The following CIT variants were observed in gnomAD, a reference collection of about 807,000 sequenced individuals.
The protein encoded by CIT is citron Rho-interacting kinase.
A neutral mutation model predicts 272.7 loss-of-function variants in CIT; 79 were observed. The observed-to-expected ratio is 0.29, with a 90% CI of 0.24 to 0.35. CIT has a LOEUF of 0.35. CIT is among the 10% of genes least tolerant of loss of function. CIT has a pLI of 1.00. For synonymous variants in CIT, 948 were observed against 995.6 expected (o/e 0.95, Z 0.90); for missense variants, 1,909 against 2,618.3 (o/e 0.73, Z 5.91).
At chr12:119,781,720 C>G (rs984524983) in intron 13 of CIT, among the ~76,000 whole-genome samples, 1 of 152,044 alleles carries the variant, frequency 6.6e-6, no homozygotes, top group Non-Finnish European at 1.5e-5. Flanking sequence ...TCTGAAAACA[C>G]AGGGGACAGC....
In CIT at chr12:119,698,077, C is replaced by T. The variant is rs115111326; in HGVS notation, c.5624-23G>A. 6.1e-4 allele frequency: 974 copies of T among 1,602,238 alleles called. 6 individuals carry two copies. In the African/African-American group the frequency reaches 0.011, roughly 19 times the overall value. ...AGGCTGTGTGATCACCATGCAGGCACAGTGTGGGCCAAAGAATGGTGAAAA... is the reference window on the plus strand; with the variant it reads ...AGGCTGTGTGATCACCATGCAGGCATAGTGTGGGCCAAAGAATGGTGAAAA... On this transcript the variant is annotated intron_variant, in intron 44 of 47. Transcript: ENST00000392521.
chr12:119,786,337 C>T (rs534999411), intron 10 of CIT, among the ~76,000 whole-genome samples: 3 of 152,158 alleles, frequency 2.0e-5, no homozygotes, highest in Admixed American at 2.0e-4. Context: ...GCTCCCCCCA[C>T]AGAAAGGGCA....
At chr12:119,802,281 G>GT (rs1221247781) in intron 10 of CIT, among the ~76,000 whole-genome samples, 2 of 152,110 alleles carry the variant, frequency 1.3e-5, no homozygotes, top group East Asian at 3.9e-4. Flanking sequence ...TCACTCCTCT[G>GT]AAAACAGAAT....
intron 9 of CIT, among the ~76,000 whole-genome samples, chr12:119,815,099 AC>A (rs2137980247): frequency 1.3e-5 from 1 of 75,432 alleles, no homozygotes; most frequent in Non-Finnish European, 2.4e-5. Context: ...ACACACACAC[AC>A]ACACAACACA....
At chr12:119,755,168 A>G (rs915644420) in intron 22 of CIT, among the ~76,000 whole-genome samples, 1 of 152,180 alleles carries the variant, frequency 6.6e-6, no homozygotes, top group African/African-American at 2.4e-5. Context: ...TCCTGACCTA[A>G]GAAATAATAA....
intron 28 of CIT, among the ~76,000 whole-genome samples, chr12:119,726,275 G>A (rs1958097938): frequency 6.6e-6 from 1 of 151,628 alleles, no homozygotes; most frequent in Non-Finnish European, 1.5e-5. Flanking sequence ...CTACAGTGCA[G>A]TGGTACCATC....
Position 119,875,636 on chromosome 12 carries a change from C to T in CIT, c.96+437G>A, listed in dbSNP as rs2138442744. The stretch of plus-strand genomic sequence containing the variant: ...GCACAGGCCTAGAGTCGACAGAAGA[C>T]CTTGTTTCAAACAAAACAAAACAGA... On this transcript the variant is annotated intron_variant, in intron 2 of 47. Transcript: ENST00000392521. Among the ~76,000 whole-genome samples, 3 of 152,244 alleles carry T rather than the reference C, an allele frequency of 2.0e-5. No individual in the cohort carries two copies. In the Middle Eastern group the frequency reaches 0.01, roughly 518 times the overall value.
At chr12:119,701,776 G>T in intron 42 of CIT, 24 bp from the exon 43 acceptor site, 4 of 1,614,224 alleles carry the variant, frequency 2.5e-6, no homozygotes, top group Non-Finnish European at 2.5e-6. Flanking sequence ...CGAGAAGCGG[G>T]GCTTCAGGAG....
At chr12:119,744,369 G>A (rs1268597871) in intron 23 of CIT, among the ~76,000 whole-genome samples, 1 of 151,650 alleles carries the variant, frequency 6.6e-6, no homozygotes, top group Non-Finnish European at 1.5e-5. Flanking sequence ...ACCCAGTTTA[G>A]GGCAGATGTA....
At chr12:119,815,300 T>A (rs962163382) in intron 9 of CIT, among the ~76,000 whole-genome samples, 1 of 150,426 alleles carries the variant, frequency 6.6e-6, no homozygotes, top group African/African-American at 2.4e-5. Context: ...CAGAAACCAA[T>A]GGCTGAGTGG....
chr12:119,752,373 A>G, intron 22 of CIT, 126 bp from the exon 23 acceptor site: 1 of 834,460 alleles, frequency 1.2e-6, no homozygotes, highest in Non-Finnish European at 1.8e-6. Flanking sequence ...CCTTCTCGGC[A>G]CTCGATAGAG....
At chr12:119,763,433 T>C (rs1307274084) in intron 19 of CIT, among the ~76,000 whole-genome samples, 1 of 152,166 alleles carries the variant, frequency 6.6e-6, no homozygotes, top group Non-Finnish European at 1.5e-5. Context: ...CTCACTTTGT[T>C]ACACAGACTG....
chr12:119,715,151 CAT>C (rs1339136508), intron 32 of CIT, among the ~76,000 whole-genome samples: 11 of 152,340 alleles, frequency 7.2e-5, no homozygotes, highest in East Asian at 1.9e-4. Flanking sequence ...GTCACCGCCA[CAT>C]GAGACATGCC....
chr12:119,719,410 A>C (rs909815679), intron 30 of CIT, among the ~76,000 whole-genome samples: 2 of 152,088 alleles, frequency 1.3e-5, no homozygotes, highest in Non-Finnish European at 2.9e-5. Context: ...AATGCAACTT[A>C]AAAAAAAGGT....
rs201659191 is a variant in CIT at position 119,770,839 on chromosome 12, C to T, written c.2154G>A (p.Lys718=). 5.6e-6 allele frequency: 9 copies of T among 1,612,728 alleles called. No individual in the cohort carries two copies. The highest frequency in any genetic ancestry group is 1.3e-5 in the African/African-American group (1 of 74,910). ...ETMERRENRL[K]DDIQTKSQQI... ...GTTGGGATTTTGTCTGGATGTCATC[C>T]TTCAGTCTGTTTTCTCTACGCTCCA... Residue 718 remains lysine (K), a synonymous_variant, in exon 18 of 48, where the codon AAG becomes AAA. Transcript: ENST00000392521. This position sits in a 1 kb window ranked among gnomAD's most constrained non-coding sequence, Gnocchi z 4.4.
At chr12:119,695,535 C>T (rs1235312152) in intron 46 of CIT, among the ~76,000 whole-genome samples, 1 of 152,152 alleles carries the variant, frequency 6.6e-6, no homozygotes, top group African/African-American at 2.4e-5. Flanking sequence ...GTGCTTCAAG[C>T]CTATAAACCT....
At position 119,690,026 on chromosome 12, in the gene CIT, C is replaced by T. The variant is rs572797968; in HGVS notation, c.6186+125G>A. 135 of 945,118 alleles carry T rather than the reference C, an allele frequency of 1.4e-4. No homozygotes were observed. The highest frequency in any genetic ancestry group is 1.1e-3 in the South Asian group (35 of 30,644). The allele number at this position is 945,118 out of a possible 1,614,324, so 58.5% of individuals were successfully genotyped here. ...ATTTTCTTCCTAAATTCCTGTGTCT[C>T]GCAAAGTCTGAATTACAGTCATGGA... On this transcript the variant is annotated intron_variant, in intron 47 of 47. Coordinates refer to ENST00000392521, the MANE Select transcript of CIT (RefSeq NM_001206999.2). The surrounding 1 kb of genome is among the most constrained non-coding windows in gnomAD (Gnocchi z 6.0).
At chr12:119,853,442 GTTTT>G (rs1427274988) in intron 4 of CIT, among the ~76,000 whole-genome samples, 1 of 149,676 alleles carries the variant, frequency 6.7e-6, no homozygotes, top group Non-Finnish European at 1.5e-5. Context: ...TTGTTTGTTT[GTTTT>G]GTTTTGTTTT....
At chr12:119,762,147 C>T (rs888984455) in intron 19 of CIT, among the ~76,000 whole-genome samples, 11 of 151,882 alleles carry the variant, frequency 7.2e-5, no homozygotes, top group African/African-American at 1.7e-4. Context: ...ATGGGGACGA[C>T]GTCCCTAAAA....
Sources: gnomAD v4.1 joint callset for allele counts (sites outside exome capture counted in the v4.1 genomes callset) on GRCh38, gnomAD v4.1.1 for gene constraint, Gnocchi (gnomAD v3.1) non-coding constraint, MANE v1.5 for transcripts, NCBI Gene and HGNC (gene_info 2026-07-23, HGNC 2026-07-21) for gene names.